Variants in ENPP2 observed in about 807,000 individuals in gnomAD.
The protein encoded by ENPP2 is autotaxin.
ENPP2 carries 51 observed loss-of-function variants against 120.2 expected under a neutral mutation model. That is an observed-to-expected ratio of 0.42 (90% CI 0.34 to 0.54). ENPP2 has a LOEUF of 0.54. ENPP2 is among the 20% of genes least tolerant of loss of function. The pLI, the probability that ENPP2 is intolerant of heterozygous loss-of-function variation, is 0.04. For missense variants in ENPP2, 920 were observed against 1,066.5 expected, an observed-to-expected ratio of 0.86 and a Z score of 1.91; for synonymous variants, 365 against 366.4, an observed-to-expected ratio of 1.00 and a Z score of 0.04.
chr8:119,561,783 T>C (rs1365643880), intron 24 of ENPP2, among the ~76,000 whole-genome samples: 5 of 146,528 alleles, frequency 3.4e-5, no homozygotes, highest in African/African-American at 1.3e-4. Flanking sequence ...CGCTTGCTCT[T>C]GCTTTGTGTG....
At chr8:119,633,322 A>G (rs1816795312) in intron 2 of ENPP2, among the ~76,000 whole-genome samples, 1 of 152,178 alleles carries the variant, frequency 6.6e-6, no homozygotes, top group South Asian at 2.1e-4. Flanking sequence ...GGTTCTTCTA[A>G]GCTTTGTCTG....
Position 119,570,737 on chromosome 8 carries a change from G to A in ENPP2, c.1885C>T (p.Pro629Ser). 6.3e-7 allele frequency: 1 copy of A among 1,588,244 alleles called. No individual in the cohort carries two copies. The highest frequency in any genetic ancestry group is 1.8e-5 in the Admixed American group (1 of 56,850). ...GAAACAGTATATGATGTCCAGAGTG[G>A]CATTAGGAATATTTCACTATAACCA... ...ESGYSEIFLMPLWTSYTVSKQ... is the reference protein window; with the variant it reads ...ESGYSEIFLMSLWTSYTVSKQ... The change falls in exon 20 of 25, where the codon CCA becomes TCA. Residue 629 changes from proline (P) to serine (S), a missense_variant. Pro to Ser is a moderately conservative substitution (Grantham distance 74). Transcript: ENST00000075322.
intron 21 of ENPP2, among the ~76,000 whole-genome samples, chr8:119,568,819 G>A (rs537573950): frequency 2.2e-4 from 33 of 152,086 alleles, no homozygotes; most frequent in African/African-American, 7.7e-4. Flanking sequence ...GGCTCATCTC[G>A]AACTCCTGGA....
chr8:119,579,267 A>G (rs1254776182), intron 19 of ENPP2, among the ~76,000 whole-genome samples: 6 of 152,200 alleles, frequency 3.9e-5, no homozygotes, highest in African/African-American at 1.4e-4. Context: ...TATGACTTGC[A>G]GGATAGAGTC....
At chr8:119,636,575 T>C (rs1216270247) in intron 2 of ENPP2, among the ~76,000 whole-genome samples, 1 of 152,190 alleles carries the variant, frequency 6.6e-6, no homozygotes, top group Non-Finnish European at 1.5e-5. Flanking sequence ...CTTAAGACCA[T>C]TTAGGTTTAT....
intron 19 of ENPP2, chr8:119,571,702 T>G (rs1814995886): frequency 6.6e-6 from 1 of 152,550 alleles, no homozygotes; most frequent in South Asian, 2.1e-4. Flanking sequence ...GACCAAAATA[T>G]TTAGAGACTG....
chr8:119,669,645 T>G (rs16892935), intron 1 of ENPP2, among the ~76,000 whole-genome samples: 10,186 of 152,282 alleles, frequency 0.067, 1,095 homozygotes, highest in African/African-American at 0.23. Flanking sequence ...GATTCCTAAC[T>G]GGAGGTTCAT....
intron 23 of ENPP2, 77 bp downstream of exon 23, chr8:119,564,746 T>C: frequency 1.5e-6 from 2 of 1,308,486 alleles, no homozygotes; most frequent in Non-Finnish European, 2.1e-6. Flanking sequence ...TTCTCTAGTA[T>C]ATGAATATTT....
intron 1 of ENPP2, among the ~76,000 whole-genome samples, chr8:119,655,576 G>T (rs1817746695): frequency 6.6e-6 from 1 of 152,118 alleles, no homozygotes; most frequent in Non-Finnish European, 1.5e-5. Context: ...TCCTCATAGG[G>T]TTGCTGTGGG....
chr8:119,662,868 T>C (rs984271221), intron 1 of ENPP2, among the ~76,000 whole-genome samples: 1 of 152,092 alleles, frequency 6.6e-6, no homozygotes, highest in Admixed American at 6.6e-5. Flanking sequence ...CCCAGGACTT[T>C]GGGAGGCCAA....
intron 1 of ENPP2, among the ~76,000 whole-genome samples, chr8:119,668,345 A>G (rs1464236638): frequency 1.3e-5 from 2 of 151,926 alleles, no homozygotes; most frequent in East Asian, 3.9e-4. Context: ...TGTTCTAAAT[A>G]TGGTCTGAAC....
At chr8:119,651,274 A>T (rs1055349948) in intron 1 of ENPP2, among the ~76,000 whole-genome samples, 2 of 152,234 alleles carry the variant, frequency 1.3e-5, no homozygotes, top group African/African-American at 2.4e-5. Context: ...AAAAGCAAAC[A>T]TGTATACATA....
At chr8:119,638,548 A>G (rs1025944743) in intron 1 of ENPP2, 21 bp from the exon 2 acceptor site, 6 of 1,415,508 alleles carry the variant, frequency 4.2e-6, no homozygotes, top group African/African-American at 2.8e-5. Context: ...AAAGAGACCA[A>G]GTTGTCAAAT....
At chr8:119,645,872 C>G (rs1014070352) in intron 1 of ENPP2, among the ~76,000 whole-genome samples, 1 of 151,966 alleles carries the variant, frequency 6.6e-6, no homozygotes, top group South Asian at 2.1e-4. Flanking sequence ...ACTCTCTGTC[C>G]CCTCTGACCA....
intron 3 of ENPP2, among the ~76,000 whole-genome samples, chr8:119,625,049 G>A (rs544562091): frequency 4.0e-4 from 61 of 152,234 alleles, no homozygotes; most frequent in Non-Finnish European, 7.5e-4. Flanking sequence ...CTAGAGTCAG[G>A]GATTCATTAC....
intron 1 of ENPP2, among the ~76,000 whole-genome samples, chr8:119,650,369 A>G (rs982313964): frequency 9.9e-5 from 15 of 152,184 alleles, no homozygotes; most frequent in African/African-American, 3.6e-4. Context: ...TTTGTTTTGG[A>G]GTGATGAAAT....
chr8:119,588,379 A>C (rs944935506), intron 13 of ENPP2, among the ~76,000 whole-genome samples: 4 of 151,820 alleles, frequency 2.6e-5, no homozygotes, highest in African/African-American at 9.7e-5. Flanking sequence ...AATACAAAAA[A>C]TTAGCCAGGC....
At chr8:119,620,724 G>A (rs1336830234) in intron 4 of ENPP2, among the ~76,000 whole-genome samples, 1 of 152,158 alleles carries the variant, frequency 6.6e-6, no homozygotes, top group East Asian at 1.9e-4. Context: ...ATTGTTAATT[G>A]TTGGAATAAA....
intron 2 of ENPP2, among the ~76,000 whole-genome samples, chr8:119,627,776 T>A: frequency 6.6e-6 from 1 of 151,532 alleles, no homozygotes; most frequent in Non-Finnish European, 1.5e-5. Flanking sequence ...GCAGGAGAAT[T>A]GCCCGAACCT....
Sources: allele counts gnomAD v4.1 joint callset (sites outside exome capture counted in the v4.1 genomes callset), GRCh38; gene constraint gnomAD v4.1.1; transcripts MANE v1.5; gene names NCBI Gene and HGNC (gene_info 2026-07-23, HGNC 2026-07-21).